CDK14: variants seen among roughly 807,000 people sequenced by gnomAD.
CDK14 encodes the protein cyclin dependent kinase 14.
A neutral mutation model predicts 60.7 loss-of-function variants in CDK14; 34 were observed. The ratio of observed to expected loss-of-function variants is 0.56; its 90% CI spans 0.43 to 0.75. The LOEUF (loss-of-function observed/expected upper bound fraction) is 0.75, where lower values mean the gene tolerates loss of function less well. Ranked by LOEUF, CDK14 falls within the 30% of genes least tolerant of loss-of-function variation. The pLI is 0.00. For missense variants in CDK14, 482 were observed against 564.1 expected (o/e 0.85, Z 1.47); for synonymous variants, 197 against 203.7 (o/e 0.97, Z 0.28).
At chr7:90,903,231 G>A (rs1012446788) in intron 7 of CDK14, among the ~76,000 whole-genome samples, 3 of 152,082 alleles carry the variant, frequency 2.0e-5, no homozygotes, top group Non-Finnish European at 4.4e-5. Context: ...ACTAATGGGT[G>A]TTTATCCAAA....
At chr7:90,727,060 G>T (rs1455767908) in intron 3 of CDK14, among the ~76,000 whole-genome samples, 2 of 152,026 alleles carry the variant, frequency 1.3e-5, no homozygotes, top group Admixed American at 6.6e-5. Context: ...CCCCTTAATT[G>T]TTTCTAGTTA....
chr7:91,200,467 G>A (rs999562848), intron 14 of CDK14, among the ~76,000 whole-genome samples: 90 of 152,128 alleles, frequency 5.9e-4, no homozygotes, highest in African/African-American at 2.1e-3. Flanking sequence ...AAGTGGCACC[G>A]TCTTGTAAGT....
intron 6 of CDK14, among the ~76,000 whole-genome samples, chr7:90,883,209 T>C (rs116858635): frequency 0.015 from 2,267 of 151,716 alleles, 21 homozygotes; most frequent in Non-Finnish European, 0.022. Context: ...GCTAGACTAA[T>C]AAAGAAGAAG....
intron 12 of CDK14, among the ~76,000 whole-genome samples, chr7:91,104,148 G>T (rs1234454172): frequency 6.6e-6 from 1 of 151,936 alleles, no homozygotes; most frequent in African/African-American, 2.4e-5. Flanking sequence ...ACAGTCTCTT[G>T]TCCCACATAC....
intron 14 of CDK14, among the ~76,000 whole-genome samples, chr7:91,122,179 G>T (rs1799797562): frequency 6.6e-6 from 1 of 152,022 alleles, no homozygotes; most frequent in African/African-American, 2.4e-5. Context: ...ATTTTATTTG[G>T]TTCAATTGCA....
chr7:90,782,196 A>G (rs1805358379), intron 4 of CDK14, among the ~76,000 whole-genome samples: 1 of 152,090 alleles, frequency 6.6e-6, no homozygotes, highest in Admixed American at 6.6e-5. Flanking sequence ...ATGGGAGTTC[A>G]CTCATGATTT....
rs1189869112 is a variant in CDK14 at position 91,174,494 on chromosome 7, C to T, written c.*29-32671C>T. ...CGAGCTGAGAGAAGAAGGCTTCAGACGGTCAAATTACTCTGAGCTACAGGA... is the reference window on the plus strand; with the variant it reads ...CGAGCTGAGAGAAGAAGGCTTCAGATGGTCAAATTACTCTGAGCTACAGGA... On this transcript the variant is annotated intron_variant, in intron 14 of 14. Transcript: ENST00000380050. 9.2e-5 allele frequency among the ~76,000 whole-genome samples: 14 copies of T among 151,868 alleles called. No individual in the cohort carries two copies. In the East Asian group the frequency reaches 1.7e-3, roughly 19 times the overall value.
At chr7:91,021,373 A>G (rs1247599161) in intron 10 of CDK14, among the ~76,000 whole-genome samples, 1 of 152,238 alleles carries the variant, frequency 6.6e-6, no homozygotes, top group African/African-American at 2.4e-5. Context: ...TTGAGGATTA[A>G]AGAATTATTA....
chr7:90,820,807 G>A (rs1372505888), intron 5 of CDK14, among the ~76,000 whole-genome samples: 1 of 152,154 alleles, frequency 6.6e-6, no homozygotes, highest in Non-Finnish European at 1.5e-5. Flanking sequence ...TCTGGTGCTA[G>A]TATCTCCAAC....
In CDK14 at chr7:91,200,774, A is replaced by AT. The variant is rs375037425; in HGVS notation, c.*29-6383dup. ...GTTTAAAAGGCATACAGCTAAAATG[A>AT]TTTTTTTTATTTTCATTAAACTCTT... On this transcript the variant is annotated intron_variant, in intron 14 of 14. Coordinates refer to ENST00000380050, the MANE Select transcript of CDK14 (RefSeq NM_001287135.2). Among the ~76,000 whole-genome samples the AT allele has an allele frequency of 2.0e-3, 310 of 152,154 alleles. 1 individual carries two copies. The highest frequency in any genetic ancestry group is 6.3e-3 in the African/African-American group (263 of 41,502).
intron 2 of CDK14, among the ~76,000 whole-genome samples, chr7:90,654,120 G>A (rs1334749977): frequency 6.6e-6 from 1 of 152,100 alleles, no homozygotes; most frequent in East Asian, 1.9e-4. Context: ...TAGTTGGTAT[G>A]CAGAAATTCT....
chr7:91,166,998 T>C (rs970639727), intron 14 of CDK14, among the ~76,000 whole-genome samples: 2 of 152,232 alleles, frequency 1.3e-5, no homozygotes, highest in Non-Finnish European at 2.9e-5. Context: ...AAGATGAGAC[T>C]GAGAGTTATA....
chr7:91,032,468 C>T (rs907835984), intron 10 of CDK14, among the ~76,000 whole-genome samples: 5 of 152,054 alleles, frequency 3.3e-5, no homozygotes, highest in East Asian at 1.9e-4. Flanking sequence ...AGTTGAGGGT[C>T]GTGAAATGGG....
At chr7:90,943,248 T>C (rs1285417297) in intron 8 of CDK14, among the ~76,000 whole-genome samples, 1 of 152,128 alleles carries the variant, frequency 6.6e-6, no homozygotes, top group East Asian at 1.9e-4. Flanking sequence ...CAGTGTTACG[T>C]AGAGATGGAG....
intron 6 of CDK14, among the ~76,000 whole-genome samples, chr7:90,897,207 T>C (rs1227171601): frequency 6.6e-6 from 1 of 152,168 alleles, no homozygotes; most frequent in Non-Finnish European, 1.5e-5. Context: ...GATTCCTTTT[T>C]ATTGATATTT....
At chr7:90,834,614 A>C (rs112174328) in intron 5 of CDK14, among the ~76,000 whole-genome samples, 1 of 152,286 alleles carries the variant, frequency 6.6e-6, no homozygotes, top group African/African-American at 2.4e-5. Context: ...GTTTAAACTA[A>C]GTTTATAACC....
At chr7:90,878,261 G>A (rs888678630) in intron 6 of CDK14, among the ~76,000 whole-genome samples, 1 of 152,094 alleles carries the variant, frequency 6.6e-6, no homozygotes, top group Non-Finnish European at 1.5e-5. Flanking sequence ...GCCTCCATCT[G>A]TCAGCTCCTC....
chr7:91,173,641 T>C (rs1489566260), intron 14 of CDK14, among the ~76,000 whole-genome samples: 3 of 152,184 alleles, frequency 2.0e-5, no homozygotes, highest in South Asian at 2.1e-4. Context: ...TTGCCTCACT[T>C]GGGAAGCACA....
At chr7:90,818,346 A>G (rs1190660196) in intron 5 of CDK14, among the ~76,000 whole-genome samples, 2 of 152,212 alleles carry the variant, frequency 1.3e-5, no homozygotes, top group Non-Finnish European at 2.9e-5. Context: ...TTAGTGCAAA[A>G]AATATTTTTA....
Sources: gnomAD v4.1 joint callset for allele counts (sites outside exome capture counted in the v4.1 genomes callset) on GRCh38, gnomAD v4.1.1 for gene constraint, MANE v1.5 for transcripts, NCBI Gene and HGNC (gene_info 2026-07-23, HGNC 2026-07-21) for gene names.